FAS: variants seen among roughly 807,000 people sequenced by gnomAD.
FAS encodes the protein Fas cell surface death receptor.
Under a neutral mutation model 33.2 loss-of-function variants are expected in FAS, and 5 were observed. The ratio of observed to expected loss-of-function variants is 0.15; its 90% CI spans 0.08 to 0.32. The LOEUF is 0.32. FAS is among the 10% of genes least tolerant of loss of function. FAS has a pLI of 1.00. For missense variants in FAS, 339 were observed against 386.0 expected (o/e 0.88, Z 1.02); for synonymous variants, 131 against 130.7 (o/e 1.00, Z -0.01).
rs1004302978 is a variant in FAS at position 88,994,014 on chromosome 10, C to T, written c.30+3108C>T. On this transcript the variant is annotated intron_variant, in intron 1 of 8. Transcript: ENST00000652046. ...TATAGTTAGACTGATGAAAAATCCTCTAATGTTCATGCCTGAAATACAGTT... is the reference window on the plus strand; with the variant it reads ...TATAGTTAGACTGATGAAAAATCCTTTAATGTTCATGCCTGAAATACAGTT... 5.3e-5 allele frequency among the ~76,000 whole-genome samples: 8 copies of T among 152,214 alleles called. No homozygotes were observed. The South Asian group carries it at 1.7e-3, about 32-fold the overall frequency.
chr10:88,987,329 T>G (rs1296702035), upstream of FAS, among the ~76,000 whole-genome samples: 2 of 152,236 alleles, frequency 1.3e-5, no homozygotes, highest in Non-Finnish European at 2.9e-5. Flanking sequence ...CAGTTAAGAT[T>G]TTTTCAGTTG....
chr10:88,964,842 G>A (rs755814059), intron 1 of FAS, among the ~76,000 whole-genome samples: 23 of 152,120 alleles, frequency 1.5e-4, no homozygotes, highest in Non-Finnish European at 2.6e-4. Context: ...GGAGGCACCC[G>A]TTCTGCTGCT....
At chr10:88,980,627 G>A (rs755357478) in intron 2 of FAS, among the ~76,000 whole-genome samples, 11 of 152,152 alleles carry the variant, frequency 7.2e-5, no homozygotes, top group Non-Finnish European at 8.8e-5. Context: ...GTAAGTATTC[G>A]TTTAGTTAAG....
At chr10:88,996,468 T>C (rs112234300) in intron 1 of FAS, among the ~76,000 whole-genome samples, 5 of 152,186 alleles carry the variant, frequency 3.3e-5, no homozygotes, top group African/African-American at 1.2e-4. Flanking sequence ...TTTAGGGAGA[T>C]ATTGGTCAAA....
At chr10:89,000,820 G>A (rs968735005) in intron 1 of FAS, among the ~76,000 whole-genome samples, 1 of 152,222 alleles carries the variant, frequency 6.6e-6, no homozygotes, top group African/African-American at 2.4e-5. Context: ...GCTGAGGCGG[G>A]AGCATCTTCT....
upstream of FAS, among the ~76,000 whole-genome samples, chr10:88,981,772 G>A (rs1043140980): frequency 7.9e-5 from 12 of 152,178 alleles, no homozygotes; most frequent in Non-Finnish European, 8.8e-5. Flanking sequence ...GTTTCAGTCT[G>A]TGCTCGTGGG....
chr10:88,978,497 T>C (rs1420024975), intron 2 of FAS, among the ~76,000 whole-genome samples: 2 of 152,210 alleles, frequency 1.3e-5, no homozygotes, highest in African/African-American at 4.8e-5. Flanking sequence ...TGTGAATACA[T>C]TTGTTGTACT....
At chr10:89,004,929 T>G (rs1469665417) in intron 2 of FAS, among the ~76,000 whole-genome samples, 3 of 152,214 alleles carry the variant, frequency 2.0e-5, no homozygotes, top group Non-Finnish European at 2.9e-5. Context: ...GTTGTGATAT[T>G]CATATGTAAT....
intron 1 of FAS, among the ~76,000 whole-genome samples, chr10:88,969,065 T>C (rs1478329634): frequency 6.6e-6 from 1 of 152,192 alleles, no homozygotes; most frequent in Non-Finnish European, 1.5e-5. Context: ...AGCTGTTATC[T>C]GGGTTGTATT....
chr10:89,000,445 A>T (rs1847854926), intron 1 of FAS, among the ~76,000 whole-genome samples: 1 of 152,248 alleles, frequency 6.6e-6, no homozygotes, highest in Non-Finnish European at 1.5e-5. Context: ...CTTTTTTATT[A>T]TACAACAAAC....
intron 1 of FAS, among the ~76,000 whole-genome samples, chr10:88,999,451 A>C (rs995729515): frequency 3.9e-5 from 6 of 152,230 alleles, no homozygotes; most frequent in Non-Finnish European, 8.8e-5. Context: ...TATTTTATTG[A>C]GCTCGTATGG....
Position 89,016,598 on chromosome 10 carries a change from G to T in FAS, c.*2148G>T, listed in dbSNP as rs542967806. The T allele has an allele frequency of 5.6e-4, 125 of 224,172 alleles. 2 individuals are homozygous for T. In the East Asian group the frequency reaches 8.0e-3, roughly 14 times the overall value. The allele number at this position is 224,172 out of a possible 1,614,324, so 13.9% of individuals were successfully genotyped here. Reference sequence around the variant, plus strand: ...TTTTTCCTCATGGCTTCACCTAGTGGCCCCAAGCATGACTTCTCCCATGTC... The same window carrying T: ...TTTTTCCTCATGGCTTCACCTAGTGTCCCCAAGCATGACTTCTCCCATGTC... On this transcript the variant is annotated 3_prime_UTR_variant, in exon 9 of 9. Coordinates refer to ENST00000652046, the MANE Select transcript of FAS (RefSeq NM_000043.6).
At chr10:89,004,481 C>T (rs916092616) in intron 2 of FAS, among the ~76,000 whole-genome samples, 1 of 151,792 alleles carries the variant, frequency 6.6e-6, no homozygotes, top group Non-Finnish European at 1.5e-5. Context: ...CGTCATCTAG[C>T]ATTAGGTATA....
intron 3 of FAS, 60 bp downstream of exon 3, chr10:89,007,897 T>C: frequency 6.2e-7 from 1 of 1,608,700 alleles, no homozygotes; most frequent in Non-Finnish European, 8.5e-7. Context: ...TAGAACCATT[T>C]ATAAGACAAT....
Position 88,974,363 on chromosome 10 carries a change from T to C in FAS, n.260+1016T>C, listed in dbSNP as rs199764235. On this transcript the variant is annotated intron_variant and non_coding_transcript_variant, in intron 2 of 3. Transcript: ENST00000688239. ...ATGTCTAAAGATTTTGCACTTCAAA[T>C]TGGTACTTTATGTATTAAAAGTGAT... 3.9e-5 allele frequency: 6 copies of C among 152,266 alleles called. No homozygotes were observed. In the East Asian group the frequency reaches 9.6e-4, roughly 24 times the overall value. The allele number at this position is 152,266 out of a possible 1,614,324, so 9.4% of individuals were successfully genotyped here. A position where few individuals can be genotyped will look rare whatever the true frequency, so the allele number is the denominator to read the frequency against.
chr10:88,990,130 A>C (rs150130637), upstream of FAS, among the ~76,000 whole-genome samples: 1 of 152,288 alleles, frequency 6.6e-6, no homozygotes, highest in South Asian at 2.1e-4. The surrounding 1 kb of genome is among the most constrained non-coding windows in gnomAD (Gnocchi z 4.9). Flanking sequence ...AGAAATAAAA[A>C]CTAAGGGGCC....
chr10:89,007,897 T>A (rs1386124116), intron 3 of FAS, 60 bp downstream of exon 3: 29 of 1,608,582 alleles, frequency 1.8e-5, no homozygotes, highest in Non-Finnish European at 2.0e-5. Context: ...TAGAACCATT[T>A]ATAAGACAAT....
At chr10:88,978,799 T>G (rs189590075) in intron 2 of FAS, among the ~76,000 whole-genome samples, 2 of 152,206 alleles carry the variant, frequency 1.3e-5, no homozygotes, top group Non-Finnish European at 2.9e-5. Flanking sequence ...CCACGTCTAA[T>G]GGTAATTTCT....
At chr10:88,985,726 C>T (rs887057024), upstream of FAS, among the ~76,000 whole-genome samples, 3 of 152,330 alleles carry the variant, frequency 2.0e-5, no homozygotes, top group Non-Finnish European at 4.4e-5. Flanking sequence ...TCTGATGTCT[C>T]TTGTTCCTTC....
Sources: gnomAD v4.1 joint callset for allele counts (sites outside exome capture counted in the v4.1 genomes callset) on GRCh38, gnomAD v4.1.1 for gene constraint, Gnocchi (gnomAD v3.1) non-coding constraint, MANE v1.5 for transcripts, NCBI Gene and HGNC (gene_info 2026-07-23, HGNC 2026-07-21) for gene names.